LRBA: variants seen among roughly 807,000 people sequenced by gnomAD.
LRBA encodes the protein lipopolysaccharide-responsive and beige-like anchor protein.
In LRBA, 176 loss-of-function variants were observed where a neutral mutation model predicts 330.0. That is an observed-to-expected ratio of 0.53 (90% CI 0.47 to 0.60). The LOEUF (loss-of-function observed/expected upper bound fraction) is 0.60, where lower values mean the gene tolerates loss of function less well. LRBA is among the 20% of genes least tolerant of loss of function. LRBA has a pLI of 0.00. For synonymous variants in LRBA, 1,230 were observed against 1,193.0 expected (o/e 1.03, Z -0.64); for missense variants, 3,259 against 3,444.8 (o/e 0.95, Z 1.35).
chr4:150,632,679 CT>C (rs1252265561), intron 37 of LRBA, among the ~76,000 whole-genome samples: 2 of 152,198 alleles, frequency 1.3e-5, no homozygotes, highest in Non-Finnish European at 2.9e-5. Flanking sequence ...CATGTTGCCC[CT>C]GTCCTGTGGC....
chr4:150,279,983 G>A (rs1290791614), intron 55 of LRBA, among the ~76,000 whole-genome samples: 1 of 152,176 alleles, frequency 6.6e-6, no homozygotes, highest in Non-Finnish European at 1.5e-5. Context: ...CAAAACCACT[G>A]ATCTTTAATT....
chr4:150,574,838 A>T (rs1770334911), intron 40 of LRBA, among the ~76,000 whole-genome samples: 1 of 152,018 alleles, frequency 6.6e-6, no homozygotes. Flanking sequence ...ATGATTAACT[A>T]AGCATCTGGT....
chr4:150,702,109 T>C (rs1000287553), intron 36 of LRBA, among the ~76,000 whole-genome samples: 18 of 152,172 alleles, frequency 1.2e-4, no homozygotes, highest in Admixed American at 2.0e-4. Context: ...TCACATAAAA[T>C]TACTTTTGCA....
In LRBA at chr4:150,844,122, C is replaced by A; in HGVS notation, c.4547G>T (p.Arg1516Met). The change falls in exon 28 of 57, where the codon AGG becomes ATG. Residue 1516 changes from arginine (R) to methionine (M), a missense_variant. Coordinates refer to ENST00000651943, the MANE Select transcript of LRBA (RefSeq NM_001364905.1). ...LLQDMDINRL[R>M]AVVFRDIEDS... ...TACTATGTCTCTGAAAACAACTGCC[C>A]TAAGCCGATTAATATCCATGTCCTG... 5.6e-6 allele frequency: 9 copies of A among 1,610,378 alleles called. No homozygotes were observed. Among genetic ancestry groups the A allele is most frequent in the Non-Finnish European group, 6.8e-6 (8 of 1,177,432 alleles).
intron 36 of LRBA, among the ~76,000 whole-genome samples, chr4:150,687,765 C>A (rs909176255): frequency 6.6e-6 from 1 of 151,868 alleles, no homozygotes; most frequent in African/African-American, 2.4e-5. Context: ...ATAGCTCTAC[C>A]TAATTTTACT....
intron 40 of LRBA, among the ~76,000 whole-genome samples, chr4:150,496,015 T>G (rs1759550705): frequency 6.6e-6 from 1 of 152,168 alleles, no homozygotes; most frequent in Admixed American, 6.6e-5. Flanking sequence ...AGACAGTGTG[T>G]TAGAGAGGAG....
chr4:150,779,670 C>T (rs1031996668), intron 34 of LRBA, among the ~76,000 whole-genome samples: 1 of 151,996 alleles, frequency 6.6e-6, no homozygotes, highest in African/African-American at 2.4e-5. Flanking sequence ...TAAAACAATC[C>T]TACTACTGAA....
intron 21 of LRBA, 142 bp from the exon 22 acceptor site, chr4:150,868,005 G>T (rs906703233): frequency 3.4e-6 from 3 of 890,942 alleles, no homozygotes; most frequent in Non-Finnish European, 5.0e-6. Flanking sequence ...AGAACAATTC[G>T]ACAATGTGGT....
intron 40 of LRBA, among the ~76,000 whole-genome samples, chr4:150,559,929 T>TATATATATAA (rs1561352944): frequency 5.1e-5 from 5 of 97,440 alleles, no homozygotes; most frequent in African/African-American, 2.1e-4. Context: ...TAAATATAAA[T>TATATATATAA]ATATATATAT....
intron 9 of LRBA, among the ~76,000 whole-genome samples, chr4:150,913,528 T>C (rs902098731): frequency 3.3e-5 from 5 of 152,224 alleles, no homozygotes; most frequent in Admixed American, 6.5e-5. Context: ...GAGTGTTATG[T>C]ATACTACTGC....
intron 22 of LRBA, among the ~76,000 whole-genome samples, chr4:150,865,225 A>C (rs973635050): frequency 1.3e-5 from 2 of 152,242 alleles, no homozygotes; most frequent in African/African-American, 2.4e-5. Flanking sequence ...AGATTGCAGC[A>C]GCCTACTGCA....
intron 35 of LRBA, among the ~76,000 whole-genome samples, chr4:150,737,505 G>A (rs1731344228): frequency 8.0e-6 from 1 of 124,244 alleles, no homozygotes; most frequent in African/African-American, 2.5e-5. Context: ...AAGAGAGAGA[G>A]AGAAAGGAAA....
At chr4:150,813,810 A>C (rs1467361424) in intron 31 of LRBA, among the ~76,000 whole-genome samples, 1 of 152,126 alleles carries the variant, frequency 6.6e-6, no homozygotes, top group Non-Finnish European at 1.5e-5. Context: ...CTATCAAGTA[A>C]ATTTTTTGCC....
At chr4:150,413,628 AGAGGC>A (rs1747325108) in intron 47 of LRBA, among the ~76,000 whole-genome samples, 1 of 152,212 alleles carries the variant, frequency 6.6e-6, no homozygotes, top group South Asian at 2.1e-4. Flanking sequence ...CAGTGGAAGC[AGAGGC>A]TGACTATAAA....
chr4:150,800,081 T>A (rs1741382103), intron 33 of LRBA, among the ~76,000 whole-genome samples: 1 of 152,178 alleles, frequency 6.6e-6, no homozygotes, highest in Non-Finnish European at 1.5e-5. Context: ...ATTTCACACA[T>A]ACACATTTCT....
At chr4:150,340,043 C>T (rs989741758) in intron 48 of LRBA, among the ~76,000 whole-genome samples, 1 of 152,016 alleles carries the variant, frequency 6.6e-6, no homozygotes, top group Non-Finnish European at 1.5e-5. Context: ...TAACGGGCAT[C>T]CTCCTTCGCT....
intron 40 of LRBA, among the ~76,000 whole-genome samples, chr4:150,556,265 A>G (rs1767302060): frequency 6.6e-6 from 1 of 152,212 alleles, no homozygotes; most frequent in African/African-American, 2.4e-5. Flanking sequence ...TATTCAAAAA[A>G]CTAAATTTAA....
At position 150,893,089 on chromosome 4, in the gene LRBA, AGTTAGGGT is replaced by A. The variant is rs1208765452; in HGVS notation, c.2120_2127del (p.His707LeufsTer7). On this transcript the variant is annotated frameshift_variant, in exon 17 of 57. Coordinates refer to ENST00000651943, the MANE Select transcript of LRBA (RefSeq NM_001364905.1). LOFTEE classifies it high-confidence loss of function. ...CTTTGGTCAAAAGCAGGAATCATAG[AGTTAGGGT>A]GTTCTGACATTAATGCAACAAGCAG... is the stretch of plus-strand genomic sequence containing the variant. 1 of 1,612,342 alleles carries A rather than the reference AGTTAGGGT, an allele frequency of 6.2e-7. No individual in the cohort carries two copies. The highest frequency in any genetic ancestry group is 8.5e-7 in the Non-Finnish European group (1 of 1,178,986).
chr4:150,411,690 G>C (rs990013646), intron 47 of LRBA, among the ~76,000 whole-genome samples: 2 of 152,164 alleles, frequency 1.3e-5, no homozygotes, highest in Non-Finnish European at 2.9e-5. Context: ...TGGAAAAGCA[G>C]AAACCTGCCA....
Sources: allele counts gnomAD v4.1 joint callset (sites outside exome capture counted in the v4.1 genomes callset), GRCh38; gene constraint gnomAD v4.1.1; transcripts MANE v1.5; gene names NCBI Gene and HGNC (gene_info 2026-07-23, HGNC 2026-07-21).